The following RBFA variants were observed in gnomAD, a reference collection of about 807,000 sequenced individuals.
RBFA encodes the protein ribosome binding factor A.
Under a neutral mutation model 27.9 loss-of-function variants are expected in RBFA, and 16 were observed. That is an observed-to-expected ratio of 0.57 (90% CI 0.39 to 0.87). RBFA has a LOEUF of 0.87. Ranked by LOEUF, RBFA falls within the 40% of genes least tolerant of loss-of-function variation. RBFA has a pLI of 0.00. For missense variants in RBFA, 456 were observed against 432.1 expected, an observed-to-expected ratio of 1.06 and a Z score of -0.49; for synonymous variants, 181 against 181.0, an observed-to-expected ratio of 1.00 and a Z score of 0.00.
At position 80,046,070 on chromosome 18, in the gene RBFA, A is replaced by G. The variant is rs150406097; in HGVS notation, c.947A>G (p.Tyr316Cys). 1,393 of 1,614,142 alleles carry G rather than the reference A, an allele frequency of 8.6e-4. 9 individuals carry two copies. The highest frequency in any genetic ancestry group is 4.3e-3 in the African/African-American group (320 of 75,040). The change falls in exon 7 of 7, where the codon TAT (tyrosine) becomes TGT (cysteine). Residue 316 changes from tyrosine (Y) to cysteine (C), a missense_variant. Coordinates refer to ENST00000306735, the MANE Select transcript of RBFA (RefSeq NM_024805.3). ...GTTGGTGCCCCGGAGTACGAATGCT[A>G]TGCCCCGGACACAGAGGAGTTGGAG... ...DLVGAPEYEC[Y>C]APDTEELEAE...
At chr18:80,036,591 A>G (rs2051980582) in intron 1 of RBFA, 77 bp from the exon 2 acceptor site, 3 of 1,105,608 alleles carry the variant, frequency 2.7e-6, no homozygotes, top group Middle Eastern at 2.0e-4. Context: ...CAGTTATGGT[A>G]TCATAACCTC....
At chr18:80,044,574 C>T (rs1050702217) in intron 6 of RBFA, among the ~76,000 whole-genome samples, 2 of 152,226 alleles carry the variant, frequency 1.3e-5, no homozygotes, top group Non-Finnish European at 2.9e-5. Context: ...TGAGTGCCCA[C>T]TGTGTGCCAA....
intron 1 of RBFA, chr18:80,035,371 T>A (rs2051970728): frequency 1.3e-5 from 2 of 152,424 alleles, no homozygotes; most frequent in Admixed American, 1.3e-4. Context: ...TTGAATTGTC[T>A]TGTTTCCTTA....
chr18:80,037,258 C>T (rs1273079083), intron 2 of RBFA, 72 bp from the exon 3 acceptor site: 7 of 1,368,566 alleles, frequency 5.1e-6, no homozygotes, highest in Non-Finnish European at 7.2e-6. Context: ...CCTCCCCCAG[C>T]CCCTGCTGTG....
rs575501854 is a variant in RBFA, at chr18:80,049,178, A to G, written c.*3023A>G. On this transcript the variant is annotated 3_prime_UTR_variant, in exon 7 of 7. Coordinates refer to ENST00000306735, the MANE Select transcript of RBFA (RefSeq NM_024805.3). ...CCGCGGCCTTCCCTGGGAGCGGGTT[A>G]GGGACACGGAAGCTCACCCCCTTCT... is the stretch of plus-strand genomic sequence containing the variant. 6.6e-6 allele frequency among the ~76,000 whole-genome samples: 1 copy of G among 150,818 alleles called. No individual in the cohort carries two copies. Among genetic ancestry groups the G allele is most frequent in the East Asian group, 2.0e-4 (1 of 5,098 alleles).
chr18:80,042,084 C>A, intron 4 of RBFA, 51 bp from the exon 5 acceptor site: 1 of 1,388,434 alleles, frequency 7.2e-7, no homozygotes, highest in South Asian at 1.2e-5. Context: ...TCACGCCTCT[C>A]CACTGAGTGT....
intron 6 of RBFA, among the ~76,000 whole-genome samples, chr18:80,044,720 G>A (rs554350279): frequency 9.2e-5 from 14 of 152,212 alleles, no homozygotes; most frequent in Admixed American, 3.9e-4. Flanking sequence ...AGAGCAGGTC[G>A]GGGGCGTGGA....
intron 1 of RBFA, chr18:80,035,655 C>CTGTA (rs745732051): frequency 6.6e-6 from 1 of 152,238 alleles, no homozygotes; most frequent in Non-Finnish European, 1.5e-5. Context: ...CCTTTCCTTA[C>CTGTA]TGTACTCTGG....
Position 80,043,926 on chromosome 18 carries a change from C to T in RBFA, c.577-286C>T, listed in dbSNP as rs148726989. On this transcript the variant is annotated intron_variant, in intron 5 of 6. Coordinates refer to ENST00000306735, the MANE Select transcript of RBFA (RefSeq NM_024805.3). Reference sequence around the variant, plus strand: ...ATGGTTAGTTAGTTAATTCAACTAACGCTTAACTGGTTTCTTCATAAATTT... The same window carrying T: ...ATGGTTAGTTAGTTAATTCAACTAATGCTTAACTGGTTTCTTCATAAATTT... Among the ~76,000 whole-genome samples, 24 of 152,344 alleles carry T rather than the reference C, an allele frequency of 1.6e-4. No individual in the cohort carries two copies. The East Asian group carries it at 4.6e-3, about 29-fold the overall frequency.
In RBFA at chr18:80,048,919, G is replaced by A. The variant is rs1348869200; in HGVS notation, c.*2764G>A. ...CTCCTAGAAAGTGGAGTGTGGGCAC[G>A]TTTGCAGGGGATCCAACCAGGCGTC... On this transcript the variant is annotated 3_prime_UTR_variant, in exon 7 of 7. Coordinates refer to ENST00000306735, the MANE Select transcript of RBFA (RefSeq NM_024805.3). 4.2e-5 allele frequency among the ~76,000 whole-genome samples: 6 copies of A among 141,602 alleles called. No homozygotes were observed. Among genetic ancestry groups the A allele is most frequent in the East Asian group, 2.0e-4 (1 of 5,050 alleles). The allele number at this position is 141,602 out of a possible 152,430, so 92.9% of individuals were successfully genotyped here. A position where few individuals can be genotyped will look rare whatever the true frequency, so the allele number is the denominator to read the frequency against.
At position 80,042,635 on chromosome 18, in the gene RBFA, G is replaced by A. The variant is rs371415730; in HGVS notation, c.576+416G>A. On this transcript the variant is annotated intron_variant, in intron 5 of 6. Transcript: ENST00000306735. ...AATACAAAAAAATTAGCTAGGTGTG[G>A]TGGCGTGCGCCCGTAGTCTCAGCTG... Among the ~76,000 whole-genome samples, 39 of 152,140 alleles carry A rather than the reference G, an allele frequency of 2.6e-4. No individual in the cohort carries two copies. The East Asian group carries it at 5.4e-3, about 21-fold the overall frequency.
Position 80,044,240 on chromosome 18 carries a change from T to C in RBFA, c.605T>C (p.Phe202Ser). The change falls in exon 6 of 7, where the codon TTT (phenylalanine) becomes TCT (serine). Residue 202 changes from phenylalanine (F) to serine (S), a missense_variant. Transcript: ENST00000306735. The stretch of plus-strand genomic sequence containing the variant: ...GATCAGTTACTGGCAGTCGCAGACT[T>C]TGGACCCCGGGATGAAAGAGACAAC... ...ELDQLLAVAD[F>S]GPRDERDNFV... The C allele has an allele frequency of 6.2e-7, 1 of 1,614,208 alleles. No homozygotes were observed. The highest frequency in any genetic ancestry group is 8.5e-7 in the Non-Finnish European group (1 of 1,180,030).
At chr18:80,045,718 A>G (rs2052047028) in intron 6 of RBFA, 56 bp from the exon 7 acceptor site, 1 of 1,482,728 alleles carries the variant, frequency 6.7e-7, no homozygotes, top group South Asian at 1.5e-5. Flanking sequence ...TGGCGACGAC[A>G]CTGTGGACTA....
chr18:80,037,401 G>A lies in RBFA; in HGVS notation c.273G>A (p.Ala91=), dbSNP rs142434986. 53 of 1,613,966 alleles carry A rather than the reference G, an allele frequency of 3.3e-5. No individual in the cohort carries two copies. Among genetic ancestry groups the A allele is most frequent in the African/African-American group, 9.3e-5 (7 of 74,900 alleles). ...TSKKTRKEDH[A]RLRALNGLLY... ...AGAAAACCAGGAAGGAAGACCATGC[G>A]CGCCTGAGGGCCCTGAACGGCCTCC... The change falls in exon 3 of 7, where the codon GCG becomes GCA. Residue 91 remains alanine (A), a synonymous_variant. Coordinates refer to ENST00000306735, the MANE Select transcript of RBFA (RefSeq NM_024805.3).
chr18:80,046,215 T>C lies in RBFA; in HGVS notation c.*60T>C. On this transcript the variant is annotated 3_prime_UTR_variant, in exon 7 of 7. Coordinates refer to ENST00000306735, the MANE Select transcript of RBFA (RefSeq NM_024805.3). ...AAAAGCATTGGCACGCAACGCAGCATGTGGCTTCATTGAGGCAGTTGATGG... is the reference window on the plus strand; with the variant it reads ...AAAAGCATTGGCACGCAACGCAGCACGTGGCTTCATTGAGGCAGTTGATGG... 6.5e-7 allele frequency: 1 copy of C among 1,548,414 alleles called. No individual in the cohort carries two copies. The highest frequency in any genetic ancestry group is 8.7e-7 in the Non-Finnish European group (1 of 1,143,530).
intron 1 of RBFA, chr18:80,034,901 T>G (rs781032046): frequency 1.1e-5 from 5 of 447,436 alleles, no homozygotes; most frequent in Non-Finnish European, 2.0e-5. Flanking sequence ...ACCAGACGTA[T>G]TTTTCAGAAG....
chr18:80,044,035 A>G (rs1292930031), intron 5 of RBFA, among the ~76,000 whole-genome samples, 177 bp from the exon 6 acceptor site: 1 of 152,246 alleles, frequency 6.6e-6, no homozygotes, highest in Non-Finnish European at 1.5e-5. Flanking sequence ...ACAGTAAGGT[A>G]TTTGAAAGCA....
chr18:80,037,175 A>C (rs1247620266), intron 2 of RBFA, 155 bp from the exon 3 acceptor site: 1 of 569,016 alleles, frequency 1.8e-6, no homozygotes, highest in East Asian at 2.8e-5. Context: ...ATCCCGGTTT[A>C]TAAAACTTTA....
chr18:80,040,178 T>C (rs1388988982), intron 4 of RBFA, among the ~76,000 whole-genome samples: 2 of 151,774 alleles, frequency 1.3e-5, no homozygotes, highest in Non-Finnish European at 2.9e-5. Flanking sequence ...ACAAAGAAGA[T>C]CCATACTTTT....
Sources: allele counts gnomAD v4.1 joint callset (sites outside exome capture counted in the v4.1 genomes callset), GRCh38; gene constraint gnomAD v4.1.1; transcripts MANE v1.5; gene names NCBI Gene and HGNC (gene_info 2026-07-23, HGNC 2026-07-21).